The following NCK2 variants were observed in gnomAD, a reference collection of about 807,000 sequenced individuals.
The protein encoded by NCK2 is NCK adaptor protein 2, also known as cytoplasmic protein NCK2.
In NCK2, 16 loss-of-function variants were observed where a neutral mutation model predicts 33.9. The ratio of observed to expected loss-of-function variants is 0.47; its 90% CI spans 0.32 to 0.72. NCK2 has a LOEUF of 0.72. NCK2 is among the 30% of genes least tolerant of loss of function. The pLI, the probability that NCK2 is intolerant of heterozygous loss-of-function variation, is 0.03. For synonymous variants in NCK2, 273 were observed against 239.9 expected, an observed-to-expected ratio of 1.14 and a Z score of -1.27; for missense variants, 418 against 537.3, an observed-to-expected ratio of 0.78 and a Z score of 2.19.
intron 3 of NCK2, among the ~76,000 whole-genome samples, chr2:105,868,874 C>G (rs765600115): frequency 9.9e-5 from 15 of 152,208 alleles, no homozygotes; most frequent in Non-Finnish European, 1.8e-4. Context: ...AGCGACTTGG[C>G]CAGGGCTATG....
chr2:105,852,135 T>TG (rs951741218), intron 2 of NCK2, among the ~76,000 whole-genome samples: 19 of 152,134 alleles, frequency 1.2e-4, no homozygotes, highest in African/African-American at 4.6e-4. Flanking sequence ...TCCACAGGCC[T>TG]GGGCTCAAAT....
At chr2:105,875,573 C>T (rs1441930849) in intron 3 of NCK2, among the ~76,000 whole-genome samples, 2 of 152,164 alleles carry the variant, frequency 1.3e-5, no homozygotes, top group Admixed American at 6.5e-5. Context: ...CTGATGCCCT[C>T]ATGAATGGGA....
intron 1 of NCK2, among the ~76,000 whole-genome samples, chr2:105,758,697 T>A (rs948194838): frequency 1.3e-5 from 2 of 152,172 alleles, no homozygotes; most frequent in African/African-American, 4.8e-5. Flanking sequence ...TTTGAGCCAC[T>A]GAGCCCGTCC....
intron 2 of NCK2, among the ~76,000 whole-genome samples, chr2:105,849,150 A>G (rs1287744501): frequency 1.3e-5 from 2 of 152,228 alleles, no homozygotes; most frequent in African/African-American, 4.8e-5. Flanking sequence ...TGAGAGGCCA[A>G]GACAGGAGGA....
At chr2:105,793,996 A>G (rs1690984441) in intron 1 of NCK2, among the ~76,000 whole-genome samples, 1 of 150,574 alleles carries the variant, frequency 6.6e-6, no homozygotes, top group South Asian at 2.1e-4. Context: ...ATAAATTCAC[A>G]TTGATACTTA....
intron 2 of NCK2, among the ~76,000 whole-genome samples, chr2:105,845,625 C>A (rs1473726555): frequency 1.3e-5 from 2 of 152,022 alleles, no homozygotes; most frequent in Non-Finnish European, 2.9e-5. Flanking sequence ...AACTCCTGAC[C>A]TCAGATGATC....
rs535825251 is a variant in NCK2 at position 105,756,826 on chromosome 2, C to T, written c.-201+11688C>T. ...ATTCTGAACTTTTTATTTTTTGAGACGGAGTTTCGCTCTTGTCACCCAGGC... is the reference window on the plus strand; with the variant it reads ...ATTCTGAACTTTTTATTTTTTGAGATGGAGTTTCGCTCTTGTCACCCAGGC... On this transcript the variant is annotated intron_variant, in intron 1 of 4. Coordinates refer to ENST00000233154, the MANE Select transcript of NCK2 (RefSeq NM_003581.5). Among the ~76,000 whole-genome samples, 6 of 152,232 alleles carry T rather than the reference C, an allele frequency of 3.9e-5. No homozygotes were observed. The East Asian group carries it at 5.8e-4, about 15-fold the overall frequency.
intron 1 of NCK2, among the ~76,000 whole-genome samples, chr2:105,783,247 G>T (rs1477118092): frequency 4.6e-5 from 7 of 152,172 alleles, no homozygotes; most frequent in African/African-American, 7.2e-5. Context: ...AATGGCAGTG[G>T]AATGTTCTGC....
intron 1 of NCK2, among the ~76,000 whole-genome samples, chr2:105,802,518 A>G (rs550419306): frequency 5.9e-5 from 9 of 152,324 alleles, no homozygotes; most frequent in African/African-American, 2.2e-4. Context: ...CTTTCCACTC[A>G]TGGCAGAAGG....
At chr2:105,749,515 A>C (rs932415334) in intron 1 of NCK2, among the ~76,000 whole-genome samples, 23 of 152,188 alleles carry the variant, frequency 1.5e-4, no homozygotes, top group Non-Finnish European at 2.2e-4. Context: ...TCTAGGTAGG[A>C]GACTGGGGAT....
At chr2:105,773,255 C>T (rs553773090) in intron 1 of NCK2, among the ~76,000 whole-genome samples, 1 of 152,122 alleles carries the variant, frequency 6.6e-6, no homozygotes, top group South Asian at 2.1e-4. Flanking sequence ...AAGAAACCAA[C>T]ATCAGCAATT....
chr2:105,794,575 G>T (rs1691009812), intron 1 of NCK2, among the ~76,000 whole-genome samples: 1 of 152,046 alleles, frequency 6.6e-6, no homozygotes, highest in Admixed American at 6.6e-5. Flanking sequence ...TCCAATTATT[G>T]TATTTCAAAG....
At chr2:105,878,547 C>G (rs1275857708) in intron 3 of NCK2, among the ~76,000 whole-genome samples, 3 of 152,158 alleles carry the variant, frequency 2.0e-5, no homozygotes, top group African/African-American at 7.2e-5. Context: ...TTGCAAGGAA[C>G]CAACCCTGCC....
chr2:105,881,610 A>G lies in NCK2; in HGVS notation c.509A>G (p.Asp170Gly). 3 of 1,613,738 alleles carry G rather than the reference A, an allele frequency of 1.9e-6. No individual in the cohort carries two copies. Among genetic ancestry groups the G allele is most frequent in the Non-Finnish European group, 2.5e-6 (3 of 1,179,978 alleles). Reference sequence around the variant, plus strand: ...TCCAACTACGTCTTGGAGGAGGTGGACGAGGCGGCTGCGGAGTCCCCAAGC... The same window carrying G: ...TCCAACTACGTCTTGGAGGAGGTGGGCGAGGCGGCTGCGGAGTCCCCAAGC... ...FPSNYVLEEV[D>G]EAAAESPSFL... Residue 170 changes from aspartate (D) to glycine (G), a missense_variant, in exon 4 of 5, where the codon GAC becomes GGC. By Grantham distance (94) the Asp-to-Gly change is moderately conservative. Coordinates refer to ENST00000233154, the MANE Select transcript of NCK2 (RefSeq NM_003581.5).
intron 4 of NCK2, among the ~76,000 whole-genome samples, chr2:105,891,935 A>G (rs949456010): frequency 6.6e-6 from 1 of 152,232 alleles, no homozygotes; most frequent in Non-Finnish European, 1.5e-5. Flanking sequence ...ATATTTTTCA[A>G]TAAAATCTGT....
chr2:105,795,738 C>T (rs1476403352), intron 1 of NCK2, among the ~76,000 whole-genome samples: 4 of 152,154 alleles, frequency 2.6e-5, no homozygotes, highest in Non-Finnish European at 5.9e-5. Context: ...ATTACCGAAA[C>T]GTCTGTATGC....
chr2:105,872,261 G>A (rs920735493), intron 3 of NCK2, among the ~76,000 whole-genome samples: 9 of 152,254 alleles, frequency 5.9e-5, no homozygotes, highest in Admixed American at 3.3e-4. Flanking sequence ...CTGCTTGCAC[G>A]CTGTCACCCG....
intron 2 of NCK2, among the ~76,000 whole-genome samples, chr2:105,842,283 G>A (rs577226829): frequency 2.5e-4 from 38 of 151,534 alleles, no homozygotes; most frequent in East Asian, 7.8e-4. Context: ...ACAGGGTTTC[G>A]CCATGTTGGT....
intron 4 of NCK2, among the ~76,000 whole-genome samples, chr2:105,887,333 A>G (rs981861492): frequency 1.3e-5 from 2 of 152,216 alleles, no homozygotes; most frequent in Admixed American, 6.5e-5. Context: ...GTAAAAGGGG[A>G]AAAACATGTC....
Sources: allele counts gnomAD v4.1 joint callset (sites outside exome capture counted in the v4.1 genomes callset), GRCh38; gene constraint gnomAD v4.1.1; transcripts MANE v1.5; gene names NCBI Gene and HGNC (gene_info 2026-07-23, HGNC 2026-07-21).